ANKRD17: variants seen among roughly 807,000 people sequenced by gnomAD.
ANKRD17 encodes ankyrin repeat domain 17, also known as ankyrin repeat domain-containing protein 17.
In ANKRD17, 19 loss-of-function variants were observed where a neutral mutation model predicts 229.7. The observed-to-expected ratio is 0.08, with a 90% CI of 0.06 to 0.12. The LOEUF (loss-of-function observed/expected upper bound fraction) is 0.12. Ranked by LOEUF, ANKRD17 falls within the 10% of genes least tolerant of loss-of-function variation. The pLI is 1.00. For missense variants in ANKRD17, 2,176 were observed against 3,176.8 expected, an observed-to-expected ratio of 0.68 and a Z score of 7.57; for synonymous variants, 1,112 against 1,146.1, an observed-to-expected ratio of 0.97 and a Z score of 0.60.
intron 1 of ANKRD17, among the ~76,000 whole-genome samples, chr4:73,214,891 A>T (rs1350265686): frequency 6.6e-6 from 1 of 150,796 alleles, no homozygotes; most frequent in African/African-American, 2.4e-5. Flanking sequence ...AGAAAAAGAA[A>T]TTTTTTCAGT....
intron 1 of ANKRD17, among the ~76,000 whole-genome samples, chr4:73,180,247 T>G (rs2073600035): frequency 6.6e-6 from 1 of 152,012 alleles, no homozygotes. Context: ...CCAAAAAAAT[T>G]AATTTGTATA....
intron 1 of ANKRD17, among the ~76,000 whole-genome samples, chr4:73,219,286 A>G (rs1257866454): frequency 6.6e-6 from 1 of 152,246 alleles, no homozygotes; most frequent in Non-Finnish European, 1.5e-5. Flanking sequence ...CTGGTATAGT[A>G]TAGAAATGAT....
chr4:73,164,115 T>G (rs1437595545), intron 2 of ANKRD17, among the ~76,000 whole-genome samples: 2 of 152,196 alleles, frequency 1.3e-5, no homozygotes, highest in Admixed American at 6.5e-5. Context: ...ATCTTTCGGT[T>G]AAATATATGA....
In ANKRD17 at chr4:73,235,692, G is replaced by A. The variant is rs78116788; in HGVS notation, c.393+22584C>T. Among the ~76,000 whole-genome samples, 27 of 152,132 alleles carry A rather than the reference G, an allele frequency of 1.8e-4. No individual in the cohort carries two copies. The East Asian group carries it at 5.0e-3, about 28-fold the overall frequency. ...TTAAAATTTGTTAAACATACAATAAGGAAATAGCTATAAACTTTATTTAGT... is the reference window on the plus strand; with the variant it reads ...TTAAAATTTGTTAAACATACAATAAAGAAATAGCTATAAACTTTATTTAGT... On this transcript the variant is annotated intron_variant, in intron 1 of 33. Transcript: ENST00000358602.
In ANKRD17 at chr4:73,082,458, C is replaced by T. The variant is rs549267131; in HGVS notation, c.7159+2791G>A. 9.9e-5 allele frequency among the ~76,000 whole-genome samples: 15 copies of T among 152,258 alleles called. No homozygotes were observed. In the East Asian group the frequency reaches 2.9e-3, roughly 29 times the overall value. ...AGTAAGCTATGGTCACACACTGCTG[C>T]ATTCCAGCCTGGGTGACAGAGACAG... is the stretch of plus-strand genomic sequence containing the variant. On this transcript the variant is annotated intron_variant, in intron 30 of 33. Coordinates refer to ENST00000358602, the MANE Select transcript of ANKRD17 (RefSeq NM_032217.5).
chr4:73,175,193 T>C (rs1164308458), intron 2 of ANKRD17, among the ~76,000 whole-genome samples: 1 of 152,194 alleles, frequency 6.6e-6, no homozygotes, highest in Non-Finnish European at 1.5e-5. Flanking sequence ...CTTACAATCA[T>C]GGCAGAAGGT....
intron 3 of ANKRD17, 96 bp from the exon 4 acceptor site, chr4:73,156,262 T>A: frequency 7.1e-7 from 1 of 1,416,832 alleles, no homozygotes; most frequent in Non-Finnish European, 9.3e-7. Context: ...TTTTGTTGTT[T>A]AGAAACGGAG....
intron 1 of ANKRD17, among the ~76,000 whole-genome samples, chr4:73,231,309 A>G (rs1743020664): frequency 6.6e-6 from 1 of 152,198 alleles, no homozygotes; most frequent in South Asian, 2.1e-4. Flanking sequence ...GGGCATGGAA[A>G]ATAATCAGGA....
intron 1 of ANKRD17, among the ~76,000 whole-genome samples, chr4:73,202,496 A>G (rs1738810230): frequency 6.6e-6 from 1 of 152,150 alleles, no homozygotes; most frequent in African/African-American, 2.4e-5. Context: ...AGAAACTCCA[A>G]AAGATTGGTG....
intron 1 of ANKRD17, among the ~76,000 whole-genome samples, chr4:73,226,972 A>G (rs1742576956): frequency 6.6e-6 from 1 of 152,072 alleles, no homozygotes; most frequent in Non-Finnish European, 1.5e-5. Flanking sequence ...TAAATTTCAG[A>G]TTTTCTGCAG....
At chr4:73,115,722 G>A (rs915780011) in intron 23 of ANKRD17, 99 bp downstream of exon 23, 10 of 827,160 alleles carry the variant, frequency 1.2e-5, no homozygotes, top group African/African-American at 8.4e-5. Context: ...AATGAAAATG[G>A]CTACATATTA....
chr4:73,177,592 G>C (rs1335443265), intron 1 of ANKRD17, 59 bp from the exon 2 acceptor site: 5 of 1,342,204 alleles, frequency 3.7e-6, no homozygotes, highest in Non-Finnish European at 5.2e-6. Flanking sequence ...AAGGAAAAGA[G>C]GGGAGAGAAA....
intron 1 of ANKRD17, among the ~76,000 whole-genome samples, chr4:73,195,566 T>C (rs575141620): frequency 6.6e-6 from 1 of 151,970 alleles, no homozygotes; most frequent in African/African-American, 2.4e-5. Context: ...TGGCGTGCAG[T>C]GGTACAATCT....
intron 24 of ANKRD17, among the ~76,000 whole-genome samples, chr4:73,110,690 C>T (rs1200985346): frequency 6.6e-6 from 1 of 152,202 alleles, no homozygotes; most frequent in South Asian, 2.1e-4. Flanking sequence ...CTCTAATATC[C>T]CAATGTGATA....
chr4:73,203,208 C>T (rs910508896), intron 1 of ANKRD17, among the ~76,000 whole-genome samples: 11 of 152,180 alleles, frequency 7.2e-5, no homozygotes, highest in African/African-American at 2.4e-4. Flanking sequence ...AGCTCCCCAA[C>T]ACTTCTTTTC....
intron 24 of ANKRD17, chr4:73,113,267 A>G (rs1725546828): frequency 1.6e-6 from 2 of 1,289,282 alleles, no homozygotes; most frequent in African/African-American, 1.5e-5. Flanking sequence ...GTTTTGGTGT[A>G]TTTTACTCCC....
chr4:73,184,791 A>C (rs1736074804), intron 1 of ANKRD17, among the ~76,000 whole-genome samples: 1 of 152,192 alleles, frequency 6.6e-6, no homozygotes, highest in Admixed American at 6.5e-5. Flanking sequence ...ATACTAATAC[A>C]GTGATTGTGC....
At chr4:73,144,549 G>C (rs557444557) in intron 11 of ANKRD17, among the ~76,000 whole-genome samples, 196 bp downstream of exon 11, 3 of 152,246 alleles carry the variant, frequency 2.0e-5, no homozygotes, top group Admixed American at 2.0e-4. Flanking sequence ...TACTTGGTAT[G>C]ACAATTATTT....
Position 73,258,415 on chromosome 4 carries a change from C to T in ANKRD17, c.254G>A (p.Ser85Asn). 6.2e-7 allele frequency: 1 copy of T among 1,610,948 alleles called. No individual in the cohort carries two copies. The highest frequency in any genetic ancestry group is 8.5e-7 in the Non-Finnish European group (1 of 1,179,378). Residue 85 changes from serine (S) to asparagine (N), a missense_variant, in exon 1 of 34, where the codon AGC becomes AAC. Around this residue, in one of 18 missense-constraint regions of ANKRD17, gnomAD observed 196 missense variants for 190.0 expected, o/e 1.03. Coordinates refer to ENST00000358602, the MANE Select transcript of ANKRD17 (RefSeq NM_032217.5). The stretch of plus-strand genomic sequence containing the variant: ...GTCGCTGTCGCTGCTGCTTTCGCTG[C>T]TGCTGGGGGGTCGGCAAGTCCGGTT... ...KRNRTCRPPS[S>N]SESSSDSDNS... is the part of the protein sequence containing the mutation.
Sources: allele counts gnomAD v4.1 joint callset (sites outside exome capture counted in the v4.1 genomes callset), GRCh38; gene constraint gnomAD v4.1.1; regional missense constraint gnomAD v4.1.1; transcripts MANE v1.5; gene names NCBI Gene and HGNC (gene_info 2026-07-23, HGNC 2026-07-21).